CERS3: variants seen among roughly 807,000 people sequenced by gnomAD.
CERS3 encodes the protein LAG1 homolog, ceramide synthase 3.
CERS3 carries 33 observed loss-of-function variants against 50.3 expected under a neutral mutation model. The observed-to-expected ratio is 0.66, with a 90% CI of 0.50 to 0.88. The LOEUF is 0.88. Ranked by LOEUF, CERS3 falls within the 40% of genes least tolerant of loss-of-function variation. The probability of loss-of-function intolerance (pLI) is 0.00; values close to 1 mark genes in which losing one functional copy is unlikely to be tolerated. For missense variants in CERS3, 470 were observed against 460.3 expected (o/e 1.02, Z -0.19); for synonymous variants, 176 against 155.2 (o/e 1.13, Z -0.99).
upstream of CERS3, among the ~76,000 whole-genome samples, chr15:100,530,220 A>G (rs1418838799): frequency 6.6e-6 from 1 of 152,218 alleles, no homozygotes; most frequent in Admixed American, 6.5e-5. Context: ...GTTTCCTGAC[A>G]TGAGGCTTCC....
chr15:100,505,429 A>G (rs2036148600), intron 2 of CERS3, among the ~76,000 whole-genome samples: 1 of 152,232 alleles, frequency 6.6e-6, no homozygotes, highest in Non-Finnish European at 1.5e-5. Flanking sequence ...CAAAAATTTT[A>G]GGGAAGATGG....
Position 100,538,763 on chromosome 15 carries a change from G to A in CERS3, c.-355+5888C>T, listed in dbSNP as rs577433233. ...TTTCCCCATTGTCTTGGTGATGAACGTTTGGTTCCTTGTTACTTATGCAAA... is the reference window on the plus strand; with the variant it reads ...TTTCCCCATTGTCTTGGTGATGAACATTTGGTTCCTTGTTACTTATGCAAA... On this transcript the variant is annotated intron_variant, in intron 1 of 12. Coordinates refer to the CERS3 transcript ENST00000284382. Among the ~76,000 whole-genome samples the A allele has an allele frequency of 3.9e-5, 6 of 152,330 alleles. No homozygotes were observed. In the East Asian group the frequency reaches 5.8e-4, roughly 15 times the overall value.
At chr15:100,466,840 C>CTCTCTCCCTCTCTCT in intron 10 of CERS3, among the ~76,000 whole-genome samples, 1 of 28,312 alleles carries the variant, frequency 3.5e-5, no homozygotes, top group African/African-American at 1.1e-4. Flanking sequence ...TCCCTCTCTC[C>CTCTCTCCCTCTCTCT]CTCTCTCTTT....
At chr15:100,451,340 A>G (rs2034158003) in intron 11 of CERS3, among the ~76,000 whole-genome samples, 1 of 152,202 alleles carries the variant, frequency 6.6e-6, no homozygotes, top group Admixed American at 6.5e-5. Flanking sequence ...AAAGATATAG[A>G]CTAGCTGAAT....
Position 100,473,059 on chromosome 15 carries a change from G to T in CERS3, c.610-7C>A. On this transcript the variant is annotated splice_polypyrimidine_tract_variant and splice_region_variant and intron_variant, in intron 8 of 11. Coordinates refer to ENST00000679737, the MANE Select transcript of CERS3 (RefSeq NM_001378789.1). ...TGATATGAGCTAGAAAATCCTGTAA[G>T]ATGAGGGAAAATGGAAGCCATTAAG... 6.2e-7 allele frequency: 1 copy of T among 1,610,022 alleles called. No homozygotes were observed. Among genetic ancestry groups the T allele is most frequent in the East Asian group, 2.2e-5 (1 of 44,848 alleles).
intron 2 of CERS3, chr15:100,503,949 T>G (rs1400707487): frequency 2.8e-6 from 1 of 355,208 alleles, no homozygotes; most frequent in Non-Finnish European, 5.6e-6. Context: ...CAAAGACATG[T>G]GTGTTGGGAG....
At chr15:100,480,977 C>T (rs953781183) in intron 5 of CERS3, among the ~76,000 whole-genome samples, 2 of 152,070 alleles carry the variant, frequency 1.3e-5, no homozygotes, top group Admixed American at 6.6e-5. Flanking sequence ...ATGCTTGCAA[C>T]GTTCCAAATA....
chr15:100,543,437 A>T (rs1479671557), intron 1 of CERS3, among the ~76,000 whole-genome samples: 1 of 152,174 alleles, frequency 6.6e-6, no homozygotes, highest in Non-Finnish European at 1.5e-5. Context: ...GGTAAGCTCA[A>T]ATATCAGAGT....
intron 11 of CERS3, among the ~76,000 whole-genome samples, chr15:100,425,320 C>T (rs536016288): frequency 1.8e-4 from 28 of 152,322 alleles, no homozygotes; most frequent in East Asian, 9.6e-4. Flanking sequence ...GCCACAGGCA[C>T]GCAACACCAG....
intron 11 of CERS3, among the ~76,000 whole-genome samples, chr15:100,415,026 A>T (rs1243484051): frequency 6.6e-6 from 1 of 152,208 alleles, no homozygotes; most frequent in Non-Finnish European, 1.5e-5. Flanking sequence ...AAATTTTTGC[A>T]ATCTACCCAT....
chr15:100,498,889 G>GT (rs1197464579), intron 3 of CERS3, among the ~76,000 whole-genome samples: 2 of 152,112 alleles, frequency 1.3e-5, no homozygotes, highest in African/African-American at 2.4e-5. Flanking sequence ...GCTTTGTTGT[G>GT]TTTTTTGTTT....
intron 2 of CERS3, among the ~76,000 whole-genome samples, chr15:100,512,425 C>A (rs1223102529): frequency 6.6e-6 from 1 of 152,268 alleles, no homozygotes; most frequent in African/African-American, 2.4e-5. Flanking sequence ...TGGCAGCGTG[C>A]CTCCAGGGAG....
chr15:100,464,732 G>A (rs557522144), intron 10 of CERS3, among the ~76,000 whole-genome samples: 17 of 152,344 alleles, frequency 1.1e-4, no homozygotes, highest in African/African-American at 4.1e-4. Context: ...TGGGAATACA[G>A]TGTGAAAAAC....
intron 9 of CERS3, among the ~76,000 whole-genome samples, chr15:100,471,925 A>G (rs1374224532): frequency 6.6e-6 from 1 of 152,242 alleles, no homozygotes; most frequent in Non-Finnish European, 1.5e-5. Context: ...CTTAAGAATG[A>G]TTCTCACAGT....
intron 10 of CERS3, among the ~76,000 whole-genome samples, chr15:100,460,987 T>C (rs1033813031): frequency 6.6e-6 from 1 of 152,028 alleles, no homozygotes; most frequent in Non-Finnish European, 1.5e-5. Context: ...CAGTGTGGCT[T>C]AAAGGAGAGG....
chr15:100,444,809 T>A (rs1596673918), intron 11 of CERS3, among the ~76,000 whole-genome samples: 1 of 152,198 alleles, frequency 6.6e-6, no homozygotes, highest in Non-Finnish European at 1.5e-5. Context: ...GGTAGAGGCC[T>A]TTCCCACAAG....
chr15:100,504,915 A>T (rs192210006), intron 2 of CERS3, among the ~76,000 whole-genome samples: 2 of 152,238 alleles, frequency 1.3e-5, no homozygotes, highest in East Asian at 1.9e-4. Context: ...TGCCCAGAAC[A>T]TCTCAGAACA....
Position 100,477,180 on chromosome 15 carries a change from T to G in CERS3, c.517-1002A>C, listed in dbSNP as rs191496229. On this transcript the variant is annotated intron_variant, in intron 7 of 11. Coordinates refer to ENST00000679737, the MANE Select transcript of CERS3 (RefSeq NM_001378789.1). ...GTTTGAAGGCACTAAGTTTTGGGGATGGTTTGTTATGTACCAACGGATAAC... is the reference window on the plus strand; with the variant it reads ...GTTTGAAGGCACTAAGTTTTGGGGAGGGTTTGTTATGTACCAACGGATAAC... 1.8e-3 allele frequency among the ~76,000 whole-genome samples: 277 copies of G among 152,324 alleles called. 1 individual carries two copies. Among genetic ancestry groups the G allele is most frequent in the African/African-American group, 6.4e-3 (268 of 41,566 alleles).
chr15:100,425,546 T>C (rs1463305570), intron 11 of CERS3, among the ~76,000 whole-genome samples: 1 of 152,184 alleles, frequency 6.6e-6, no homozygotes, highest in Admixed American at 6.5e-5. Flanking sequence ...TTTGTCCCTT[T>C]TGGAAAGGGA....
Sources: gnomAD v4.1 joint callset for allele counts (sites outside exome capture counted in the v4.1 genomes callset) on GRCh38, gnomAD v4.1.1 for gene constraint, MANE v1.5 for transcripts, NCBI Gene and HGNC (gene_info 2026-07-23, HGNC 2026-07-21) for gene names.